CEP128: variants seen among roughly 807,000 people sequenced by gnomAD.
CEP128 encodes centrosomal protein 128kDa.
Under a neutral mutation model 156.7 loss-of-function variants are expected in CEP128, and 132 were observed. That is an observed-to-expected ratio of 0.84 (90% CI 0.73 to 0.97). The LOEUF is 0.97. Ranked by LOEUF, CEP128 falls within the 50% of genes least tolerant of loss-of-function variation. The pLI is 0.00. For missense variants in CEP128, 1,252 were observed against 1,281.9 expected (o/e 0.98, Z 0.36); for synonymous variants, 469 against 448.9 (o/e 1.04, Z -0.57).
At chr14:80,765,004 A>G (rs755098474) in intron 16 of CEP128, among the ~76,000 whole-genome samples, 1 of 152,176 alleles carries the variant, frequency 6.6e-6, no homozygotes, top group Non-Finnish European at 1.5e-5. Flanking sequence ...TCTTTCATTC[A>G]TTCATCCCCC....
Position 80,772,816 on chromosome 14 carries a change from C to T in CEP128, c.2376+5066G>A, listed in dbSNP as rs548773205. Among the ~76,000 whole-genome samples the T allele has an allele frequency of 4.6e-5, 7 of 152,318 alleles. No individual in the cohort carries two copies. The South Asian group carries it at 1.4e-3, about 32-fold the overall frequency. ...ATCCTGCAAGGGGGGTCAGGGAACT[C>T]TCTCCTCTCATTACCAGCTTTGTCT... On this transcript the variant is annotated intron_variant, in intron 16 of 24. Coordinates refer to ENST00000555265, the MANE Select transcript of CEP128 (RefSeq NM_152446.5).
At chr14:80,566,868 C>T (rs925908738) in intron 20 of CEP128, among the ~76,000 whole-genome samples, 8 of 148,746 alleles carry the variant, frequency 5.4e-5, no homozygotes, top group African/African-American at 7.5e-5. Context: ...AAAAAAACAG[C>T]GAGGCTTAAA....
At chr14:80,486,225 G>A (rs1262011231), downstream of CEP128, among the ~76,000 whole-genome samples, 1 of 152,140 alleles carries the variant, frequency 6.6e-6, no homozygotes, top group African/African-American at 2.4e-5. Context: ...GAAGAATGCA[G>A]AAGCCTCAGG....
At chr14:80,614,037 AT>A (rs1188068844) in intron 19 of CEP128, among the ~76,000 whole-genome samples, 3 of 152,208 alleles carry the variant, frequency 2.0e-5, no homozygotes, top group Admixed American at 1.3e-4. Context: ...TCTTTTTCTT[AT>A]TTGACAAGAC....
intron 18 of CEP128, among the ~76,000 whole-genome samples, chr14:80,750,380 T>C (rs553826288): frequency 2.0e-5 from 3 of 147,478 alleles, no homozygotes; most frequent in South Asian, 4.4e-4. Flanking sequence ...TTTTCCGCCA[T>C]ATGAGAATGA....
intron 15 of CEP128, among the ~76,000 whole-genome samples, chr14:80,780,124 T>C (rs1901026818): frequency 6.6e-6 from 1 of 152,150 alleles, no homozygotes; most frequent in South Asian, 2.1e-4. Context: ...GGGGTGATTC[T>C]AGAAGGAGGA....
chr14:80,676,402 A>G (rs534450878), intron 19 of CEP128, among the ~76,000 whole-genome samples: 2 of 152,014 alleles, frequency 1.3e-5, no homozygotes, highest in East Asian at 3.9e-4. Flanking sequence ...TGAGTTTTAC[A>G]TTCAGAAACT....
chr14:80,711,431 A>G (rs1897402682), intron 19 of CEP128, among the ~76,000 whole-genome samples: 1 of 152,062 alleles, frequency 6.6e-6, no homozygotes, highest in Non-Finnish European at 1.5e-5. Context: ...AAACATACAT[A>G]AGAAAGAGGC....
chr14:80,680,768 AG>A (rs1402025643), intron 19 of CEP128, among the ~76,000 whole-genome samples: 2 of 152,108 alleles, frequency 1.3e-5, no homozygotes, highest in African/African-American at 4.8e-5. Context: ...CTTTAACACT[AG>A]GCACACCTCT....
chr14:80,809,359 A>G (rs890835458), intron 13 of CEP128, among the ~76,000 whole-genome samples: 5 of 152,200 alleles, frequency 3.3e-5, no homozygotes, highest in African/African-American at 1.2e-4. Flanking sequence ...CAGACATGAT[A>G]TATGAGATAC....
At position 80,743,121 on chromosome 14, in the gene CEP128, T is replaced by C. The variant is rs1898917237; in HGVS notation, c.2760A>G (p.Ile920Met). The C allele has an allele frequency of 1.2e-6, 2 of 1,613,708 alleles. No homozygotes were observed. Among genetic ancestry groups the C allele is most frequent in the Non-Finnish European group, 1.7e-6 (2 of 1,179,828 alleles). The change falls in exon 19 of 25, where the codon ATA becomes ATG. Residue 920 changes from isoleucine to methionine, a missense_variant. Coordinates refer to ENST00000555265, the MANE Select transcript of CEP128 (RefSeq NM_152446.5). ...ESELQCLFQQIERQEQLLDEI... is the reference protein window; with the variant it reads ...ESELQCLFQQMERQEQLLDEI... ...CATCCAGAAGCTGCTCCTGCCTTTC[T>C]ATCTGTTGAAAGAGACACTGCAACT...
At position 80,785,479 on chromosome 14, in the gene CEP128, G is replaced by A. The variant is rs780056351; in HGVS notation, c.1627C>T (p.Arg543Ter). The A allele has an allele frequency of 5.0e-6, 8 of 1,613,472 alleles. 1 individual carries two copies. The highest frequency in any genetic ancestry group is 2.2e-5 in the East Asian group (1 of 44,864). The change falls in exon 15 of 25, where the codon CGA becomes TGA. Residue 543 changes from arginine to a stop codon, truncating the protein, a stop_gained. Coordinates refer to ENST00000555265, the MANE Select transcript of CEP128 (RefSeq NM_152446.5). LOFTEE classifies it high-confidence loss of function. ...YAALQQIENL[R>*]KELNDVLTKR... ...GTTAGGACATCATTCAATTCCTTTC[G>A]AAGATTCTCTATTTGTTGTAATGCT...
chr14:80,854,738 AACT>A (rs370536506), intron 9 of CEP128, among the ~76,000 whole-genome samples: 15 of 152,208 alleles, frequency 9.9e-5, no homozygotes, highest in African/African-American at 3.6e-4. Flanking sequence ...ATGTTAAAAG[AACT>A]ACGTGAGAAA....
intron 19 of CEP128, among the ~76,000 whole-genome samples, chr14:80,636,767 CT>C (rs1312354984): frequency 6.6e-6 from 1 of 152,174 alleles, no homozygotes; most frequent in Non-Finnish European, 1.5e-5. Flanking sequence ...CCCAACTCTT[CT>C]CCACATTACT....
intron 2 of CEP128, among the ~76,000 whole-genome samples, chr14:80,935,518 T>G (rs185342965): frequency 6.6e-6 from 1 of 151,228 alleles, no homozygotes; most frequent in Admixed American, 6.6e-5. Flanking sequence ...ACCACTGCAC[T>G]CCAGCCTTCT....
intron 19 of CEP128, among the ~76,000 whole-genome samples, chr14:80,619,882 T>G (rs909076318): frequency 6.7e-6 from 1 of 150,322 alleles, no homozygotes; most frequent in Non-Finnish European, 1.5e-5. Context: ...CCCAGCACTT[T>G]GGGAGGTCGA....
chr14:80,860,163 C>T (rs530157303), intron 9 of CEP128, among the ~76,000 whole-genome samples: 2 of 152,186 alleles, frequency 1.3e-5, no homozygotes, highest in East Asian at 1.9e-4. Context: ...ATGACCTTTC[C>T]GGAACAGTTT....
At chr14:80,725,752 G>A (rs982296615) in intron 19 of CEP128, among the ~76,000 whole-genome samples, 1 of 152,164 alleles carries the variant, frequency 6.6e-6, no homozygotes, top group African/African-American at 2.4e-5. Flanking sequence ...GAAGTATGCA[G>A]TAGAAAAGAT....
intron 22 of CEP128, among the ~76,000 whole-genome samples, chr14:80,529,656 AAAT>A (rs1379093078): frequency 1.3e-5 from 2 of 152,230 alleles, no homozygotes; most frequent in East Asian, 1.9e-4. Flanking sequence ...AAAAAAATGA[AAAT>A]AATATGGGCA....
Sources: allele counts gnomAD v4.1 joint callset (sites outside exome capture counted in the v4.1 genomes callset), GRCh38; gene constraint gnomAD v4.1.1; transcripts MANE v1.5; gene names NCBI Gene and HGNC (gene_info 2026-07-23, HGNC 2026-07-21).